Variants in RTN4RL2 observed in about 807,000 individuals in gnomAD.
RTN4RL2 encodes the protein reticulon 4 receptor like 2, also known as reticulon-4 receptor-like 2.
RTN4RL2 carries 9 observed loss-of-function variants against 27.8 expected under a neutral mutation model. The observed-to-expected ratio is 0.32, with a 90% CI of 0.20 to 0.57. The LOEUF is 0.57. Ranked by LOEUF, RTN4RL2 falls within the 20% of genes least tolerant of loss-of-function variation. The pLI is 0.90. For synonymous variants in RTN4RL2, 285 were observed against 297.9 expected, an observed-to-expected ratio of 0.96 and a Z score of 0.45; for missense variants, 436 against 596.8, an observed-to-expected ratio of 0.73 and a Z score of 2.81.
At chr11:57,466,207 G>A (rs1033165836) in intron 1 of RTN4RL2, among the ~76,000 whole-genome samples, 51 of 151,634 alleles carry the variant, frequency 3.4e-4, no homozygotes, top group Non-Finnish European at 2.8e-4. Flanking sequence ...GGGTTTCACC[G>A]TGTTAGCCAG....
At position 57,476,632 on chromosome 11, in the gene RTN4RL2, C is replaced by T; in HGVS notation, c.984C>T (p.Ser328=). The part of the protein sequence containing the change: ...PGSRARGNSS[S]NHLYGVAEAG... ...GCCGCGCCCGCGGCAACAGCTCCTC[C>T]AACCACCTGTACGGGGTGGCCGAGG... Residue 328 remains serine, a synonymous_variant, in exon 3 of 3, where the codon TCC becomes TCT. Transcript: ENST00000335099. This position sits in a 1 kb window ranked among gnomAD's most constrained non-coding sequence, Gnocchi z 8.2. 1 of 1,418,962 alleles carries T rather than the reference C, an allele frequency of 7.0e-7. No homozygotes were observed. The highest frequency in any genetic ancestry group is 1.6e-5 in the South Asian group (1 of 64,270). The allele number at this position is 1,418,962 out of a possible 1,614,324, so 87.9% of individuals were successfully genotyped here. A position where few individuals can be genotyped will look rare whatever the true frequency, so the allele number is the denominator to read the frequency against.
intron 1 of RTN4RL2, among the ~76,000 whole-genome samples, chr11:57,464,886 G>T (rs77849787): frequency 2.6e-5 from 4 of 152,176 alleles, no homozygotes; most frequent in African/African-American, 4.8e-5. Context: ...GTGAAACGCC[G>T]CACGGGGGAG....
chr11:57,466,185 T>C (rs903430177), intron 1 of RTN4RL2, among the ~76,000 whole-genome samples: 1 of 151,854 alleles, frequency 6.6e-6, no homozygotes, highest in East Asian at 1.9e-4. Flanking sequence ...TTTTGTATTT[T>C]TAGTAGAGAC....
rs959531670 is a variant in RTN4RL2, at chr11:57,466,942, C to T, written c.32-667C>T. Among the ~76,000 whole-genome samples, 55 of 152,332 alleles carry T rather than the reference C, an allele frequency of 3.6e-4. 1 individual carries two copies. The highest frequency in any genetic ancestry group is 1.3e-3 in the African/African-American group (53 of 41,572). ...CCCCACAACGAGGAACTATCCGGCC[C>T]AACTGTCAATACTGAGGCAGAGAAA... On this transcript the variant is annotated intron_variant, in intron 1 of 2. Coordinates refer to ENST00000335099, the MANE Select transcript of RTN4RL2 (RefSeq NM_178570.3).
intron 1 of RTN4RL2, among the ~76,000 whole-genome samples, chr11:57,463,868 A>G (rs867254297): frequency 5.3e-5 from 8 of 151,144 alleles, no homozygotes; most frequent in South Asian, 2.1e-4. Flanking sequence ...CAGTCCCACC[A>G]CCTCTGCCCT....
rs75386108 is a variant in RTN4RL2, at chr11:57,468,032, G to A, written c.455G>A (p.Arg152Gln). 1.4e-4 allele frequency: 222 copies of A among 1,600,540 alleles called. No homozygotes were observed. In the African/African-American group the frequency reaches 2.7e-3, roughly 19 times the overall value. Residue 152 changes from arginine to glutamine, a missense_variant, in exon 2 of 3, where the codon CGA becomes CAA. This residue lies in a region of RTN4RL2 where 365 missense variants were observed against 530.5 expected (regional missense o/e 0.69). Coordinates refer to ENST00000335099, the MANE Select transcript of RTN4RL2 (RefSeq NM_178570.3). ...QLSSLPGNIFRGLVSLQYLYL... is the reference protein window; with the variant it reads ...QLSSLPGNIFQGLVSLQYLYL... ...AGCAGCCTGCCCGGCAACATCTTCC[G>A]AGGCCTGGTCAGCCTGCAGTACCTC...
rs58993967 is a variant in RTN4RL2, at chr11:57,471,243, G to GAAA, written c.513+3165_513+3167dup. Among the ~76,000 whole-genome samples the GAAA allele has an allele frequency of 1.1e-3, 154 of 135,212 alleles. 3 individuals carry two copies. In the South Asian group the frequency reaches 0.016, roughly 14 times the overall value. The allele number at this position is 135,212 out of a possible 152,430, so 88.7% of individuals were successfully genotyped here. A position where few individuals can be genotyped will look rare whatever the true frequency, so the allele number is the denominator to read the frequency against. On this transcript the variant is annotated intron_variant, in intron 2 of 2. Transcript: ENST00000335099. The stretch of plus-strand genomic sequence containing the variant: ...AGAGCAAGACTCTGTCTCAAAAAAG[G>GAAA]AAAAAAAAAAAAAAGCCCATAGTTC...
chr11:57,466,832 T>C (rs1279016494), intron 1 of RTN4RL2, among the ~76,000 whole-genome samples: 1 of 152,206 alleles, frequency 6.6e-6, no homozygotes, highest in Non-Finnish European at 1.5e-5. Context: ...GGAGACATTT[T>C]GGTTGTCACA....
In RTN4RL2 at chr11:57,467,522, G is replaced by C. The variant is rs1345208608; in HGVS notation, c.32-87G>C. 6.5e-7 allele frequency: 1 copy of C among 1,528,092 alleles called. No homozygotes were observed. Among genetic ancestry groups the C allele is most frequent in the Admixed American group, 2.0e-5 (1 of 48,782 alleles). 94.7% of individuals were successfully genotyped at this position (1,528,092 alleles called of 1,614,324 possible). A position where few individuals can be genotyped will look rare whatever the true frequency, so the allele number is the denominator to read the frequency against. On this transcript the variant is annotated intron_variant, in intron 1 of 2. Transcript: ENST00000335099. This position sits in a 1 kb window ranked among gnomAD's most constrained non-coding sequence, Gnocchi z 5.5. ...AGCCACCATATTCAGCCGGGTCTAG[G>C]CCTTTTACCAAGTTGGGGGGCTGGC...
chr11:57,470,273 C>T (rs4589318), intron 2 of RTN4RL2, among the ~76,000 whole-genome samples: 6,196 of 151,832 alleles, frequency 0.041, 436 homozygotes, highest in African/African-American at 0.14. Context: ...TTTGAGACGA[C>T]GTCCCACTCT....
chr11:57,470,167 T>G lies in RTN4RL2; in HGVS notation c.513+2077T>G, dbSNP rs539329748. On this transcript the variant is annotated intron_variant, in intron 2 of 2. Coordinates refer to ENST00000335099, the MANE Select transcript of RTN4RL2 (RefSeq NM_178570.3). Reference sequence around the variant, plus strand: ...CTAGGTTCAAATCCTGGCTCCTATATATATGACTTTGGACAAATTACTTAA... The same window carrying G: ...CTAGGTTCAAATCCTGGCTCCTATAGATATGACTTTGGACAAATTACTTAA... Among the ~76,000 whole-genome samples, 15 of 152,350 alleles carry G rather than the reference T, an allele frequency of 9.8e-5. No homozygotes were observed. The South Asian group carries it at 1.4e-3, about 15-fold the overall frequency.
At chr11:57,468,918 T>C in intron 2 of RTN4RL2, 1 of 768,584 alleles carries the variant, frequency 1.3e-6, no homozygotes, top group Non-Finnish European at 2.2e-6. Context: ...GACACGCAAA[T>C]CATCCCACTC....
At chr11:57,468,495 CGT>C (rs1943542342) in intron 2 of RTN4RL2, 1 of 1,378,084 alleles carries the variant, frequency 7.3e-7, no homozygotes, top group East Asian at 2.5e-5. Context: ...TGTCTGTCTG[CGT>C]GTGTGTATCT....
intron 1 of RTN4RL2, among the ~76,000 whole-genome samples, chr11:57,462,101 G>A (rs1455946578): frequency 1.3e-5 from 2 of 152,028 alleles, no homozygotes; most frequent in African/African-American, 2.4e-5. Context: ...TTTGGAAGGG[G>A]AGTGACAGCC....
intron 1 of RTN4RL2, among the ~76,000 whole-genome samples, chr11:57,464,838 C>T (rs1418808573): frequency 1.3e-5 from 2 of 152,346 alleles, no homozygotes; most frequent in African/African-American, 4.8e-5. Flanking sequence ...CTCCTCCACC[C>T]CACGTGGGTC....
chr11:57,476,481 G>A lies in RTN4RL2; in HGVS notation c.833G>A (p.Arg278His), dbSNP rs772453194. The A allele has an allele frequency of 7.2e-6, 11 of 1,532,642 alleles. No homozygotes were observed. Among genetic ancestry groups the A allele is most frequent in the Non-Finnish European group, 8.7e-6 (10 of 1,151,312 alleles). The allele number at this position is 1,532,642 out of a possible 1,614,324, so 94.9% of individuals were successfully genotyped here. A position where few individuals can be genotyped will look rare whatever the true frequency, so the allele number is the denominator to read the frequency against. Residue 278 changes from arginine (R) to histidine (H), a missense_variant, in exon 3 of 3, where the codon CGC becomes CAC. Physicochemically the swap from Arg to His is conservative, Grantham distance 29 (BLOSUM62 0). Around this residue, in one of 3 missense-constraint regions of RTN4RL2, gnomAD observed 365 missense variants for 530.5 expected, o/e 0.69. Transcript: ENST00000335099. The surrounding 1 kb of genome is among the most constrained non-coding windows in gnomAD (Gnocchi z 8.2). ...CGGCCGCTCTGGGCCTGGTTCCAGC[G>A]CGCGCGCGTGTCCAGCTCCGACGTG... is the stretch of plus-strand genomic sequence containing the variant. The part of the protein sequence containing the change: ...RARPLWAWFQ[R>H]ARVSSSDVTC...
At chr11:57,463,646 A>G (rs908188718) in intron 1 of RTN4RL2, among the ~76,000 whole-genome samples, 4 of 152,050 alleles carry the variant, frequency 2.6e-5, no homozygotes, top group Admixed American at 2.6e-4. Context: ...TCCACCGGGA[A>G]TTCACAAAAT....
At chr11:57,462,338 C>T (rs911348378) in intron 1 of RTN4RL2, among the ~76,000 whole-genome samples, 4 of 152,152 alleles carry the variant, frequency 2.6e-5, no homozygotes, top group Non-Finnish European at 4.4e-5. Flanking sequence ...TCCCACTCCT[C>T]AGCTCCCACC....
intron 2 of RTN4RL2, among the ~76,000 whole-genome samples, chr11:57,474,289 G>T (rs1322339093): frequency 6.6e-6 from 1 of 152,174 alleles, no homozygotes; most frequent in Non-Finnish European, 1.5e-5. Context: ...GAGGGCTCTT[G>T]GCACGCTCAG....
Sources: gnomAD v4.1 joint callset for allele counts (sites outside exome capture counted in the v4.1 genomes callset) on GRCh38, gnomAD v4.1.1 for gene constraint, gnomAD v4.1.1 regional missense constraint, Gnocchi (gnomAD v3.1) non-coding constraint, MANE v1.5 for transcripts, NCBI Gene and HGNC (gene_info 2026-07-23, HGNC 2026-07-21) for gene names.